Variants in PARD3 observed in about 807,000 individuals in gnomAD.
The protein encoded by PARD3 is par-3 family cell polarity regulator.
A neutral mutation model predicts 155.4 loss-of-function variants in PARD3; 75 were observed. That is an observed-to-expected ratio of 0.48 (90% confidence interval 0.40 to 0.58). The LOEUF (loss-of-function observed/expected upper bound fraction) is 0.58, where lower values mean the gene tolerates loss of function less well. Ranked by LOEUF, PARD3 falls within the 20% of genes least tolerant of loss-of-function variation. PARD3 has a pLI of 0.00. For synonymous variants in PARD3, 576 were observed against 610.5 expected (o/e 0.94, Z 0.83); for missense variants, 1,642 against 1,721.7 (o/e 0.95, Z 0.82).
chr10:34,356,303 G>A (rs1838869942), intron 14 of PARD3, among the ~76,000 whole-genome samples: 1 of 152,164 alleles, frequency 6.6e-6, no homozygotes, highest in South Asian at 2.1e-4. Flanking sequence ...TGAAATCTCA[G>A]CACTTTGGCA....
chr10:34,484,058 C>T (rs1005088389), intron 3 of PARD3, among the ~76,000 whole-genome samples: 2 of 152,118 alleles, frequency 1.3e-5, no homozygotes, highest in Non-Finnish European at 2.9e-5. Context: ...TATGCTTGGG[C>T]GCCATTTTAA....
intron 21 of PARD3, among the ~76,000 whole-genome samples, chr10:34,274,785 G>C (rs187358242): frequency 1.3e-5 from 2 of 152,264 alleles, no homozygotes; most frequent in Admixed American, 1.3e-4. Context: ...TTCACTAAAA[G>C]TGAAAAATCC....
intron 2 of PARD3, among the ~76,000 whole-genome samples, chr10:34,556,262 T>A (rs1452332127): frequency 6.6e-6 from 1 of 152,172 alleles, no homozygotes; most frequent in Non-Finnish European, 1.5e-5. Context: ...AAAGCTAAAT[T>A]AATCTGGCTT....
intron 2 of PARD3, among the ~76,000 whole-genome samples, chr10:34,689,461 T>C (rs183570559): frequency 1.3e-4 from 20 of 152,360 alleles, no homozygotes; most frequent in Admixed American, 1.2e-3. Context: ...AAATCAATTA[T>C]GCATATATTT....
At chr10:34,719,219 T>C (rs970498593) in intron 1 of PARD3, among the ~76,000 whole-genome samples, 6 of 152,196 alleles carry the variant, frequency 3.9e-5, no homozygotes, top group African/African-American at 1.4e-4. Flanking sequence ...TCATCATTAA[T>C]TGTGACGTTT....
chr10:34,767,269 G>A (rs540539100), intron 1 of PARD3, among the ~76,000 whole-genome samples: 3 of 152,270 alleles, frequency 2.0e-5, no homozygotes, highest in East Asian at 1.9e-4. Flanking sequence ...TAAGAAACAC[G>A]CTGAAGAAAA....
rs937102853 is a variant in PARD3, at chr10:34,212,012, A to C, written c.3419+57645T>G. ...AGATGTTACTTCTTTGGAATCTCAGAGTGCTCAACTTTTTTTTTTTTTTTT... is the reference window on the plus strand; with the variant it reads ...AGATGTTACTTCTTTGGAATCTCAGCGTGCTCAACTTTTTTTTTTTTTTTT... On this transcript the variant is annotated intron_variant, in intron 22 of 24. Transcript: ENST00000374788. Among the ~76,000 whole-genome samples, 3 of 130,726 alleles carry C rather than the reference A, an allele frequency of 2.3e-5. No individual in the cohort carries two copies. In the East Asian group the frequency reaches 7.6e-4, roughly 33 times the overall value. The allele number at this position is 130,726 out of a possible 152,430, so 85.8% of individuals were successfully genotyped here. A position where few individuals can be genotyped will look rare whatever the true frequency, so the allele number is the denominator to read the frequency against.
Position 34,760,427 on chromosome 10 carries a change from GT to G in PARD3, c.120+54448del, listed in dbSNP as rs375214376. Among the ~76,000 whole-genome samples, 607 of 152,268 alleles carry G rather than the reference GT, an allele frequency of 4.0e-3. 3 individuals carry two copies. The highest frequency in any genetic ancestry group is 0.013 in the African/African-American group (561 of 41,566). ...GCTCACTGTAACCTCCACCTCCTGGGTTCAAGTGATTCTTGTGCCTCAGCTT... is the reference window on the plus strand; with the variant it reads ...GCTCACTGTAACCTCCACCTCCTGGGTCAAGTGATTCTTGTGCCTCAGCTT... On this transcript the variant is annotated intron_variant, in intron 1 of 24. Coordinates refer to ENST00000374788, the MANE Select transcript of PARD3 (RefSeq NM_001184785.2).
intron 2 of PARD3, among the ~76,000 whole-genome samples, chr10:34,602,798 T>C (rs183122613): frequency 1.1e-4 from 16 of 152,344 alleles, no homozygotes; most frequent in African/African-American, 3.1e-4. Context: ...GAAAGTTACA[T>C]AGGTTCATAG....
chr10:34,402,475 C>T (rs539040955), intron 5 of PARD3, among the ~76,000 whole-genome samples: 42 of 152,180 alleles, frequency 2.8e-4, no homozygotes, highest in African/African-American at 8.4e-4. Context: ...GGCTTCATCC[C>T]GTAAAATTTC....
At chr10:34,410,856 A>G (rs1379242445) in intron 5 of PARD3, among the ~76,000 whole-genome samples, 1 of 152,210 alleles carries the variant, frequency 6.6e-6, no homozygotes, top group African/African-American at 2.4e-5. Context: ...CCATTATAAA[A>G]GATTCATCAG....
chr10:34,622,843 T>TTTTTTTG (rs1211637147), intron 2 of PARD3, among the ~76,000 whole-genome samples: 1 of 151,062 alleles, frequency 6.6e-6, no homozygotes, highest in African/African-American at 2.4e-5. Flanking sequence ...TTTTTTTTTT[T>TTTTTTTG]TTAGTACACA....
At chr10:34,633,872 T>C (rs1173140523) in intron 2 of PARD3, among the ~76,000 whole-genome samples, 1 of 152,220 alleles carries the variant, frequency 6.6e-6, no homozygotes, top group Non-Finnish European at 1.5e-5. Flanking sequence ...TAACAGCTAT[T>C]CTAACAAGAG....
chr10:34,454,197 A>T (rs548601355), intron 4 of PARD3, among the ~76,000 whole-genome samples: 1 of 152,248 alleles, frequency 6.6e-6, no homozygotes, highest in East Asian at 1.9e-4. Context: ...CCCAGTCCTG[A>T]AGTCTGGCCA....
At chr10:34,637,489 C>T (rs1310668097) in intron 2 of PARD3, among the ~76,000 whole-genome samples, 1 of 152,188 alleles carries the variant, frequency 6.6e-6, no homozygotes, top group Non-Finnish European at 1.5e-5. Context: ...AGAGACCAGT[C>T]GCAGAGGCTC....
Position 34,391,712 on chromosome 10 carries a change from C to T in PARD3, c.891-7458G>A, listed in dbSNP as rs1423314110. 3.3e-5 allele frequency among the ~76,000 whole-genome samples: 5 copies of T among 152,260 alleles called. No homozygotes were observed. In the South Asian group the frequency reaches 1.0e-3, roughly 32 times the overall value. On this transcript the variant is annotated intron_variant, in intron 7 of 24. Coordinates refer to ENST00000374788, the MANE Select transcript of PARD3 (RefSeq NM_001184785.2). ...TGATTTTCTGAATATAGATTAATTA[C>T]AAAATACAATCTGCATATAGATTAT...
chr10:34,630,443 CTTTTTTT>C (rs755155387), intron 2 of PARD3, among the ~76,000 whole-genome samples: 3 of 139,308 alleles, frequency 2.2e-5, no homozygotes, highest in South Asian at 2.3e-4. Flanking sequence ...CCCTCTCTCT[CTTTTTTT>C]TTTTTTTTTT....
intron 2 of PARD3, among the ~76,000 whole-genome samples, chr10:34,608,678 G>A (rs867276028): frequency 9.2e-5 from 14 of 151,770 alleles, no homozygotes; most frequent in Admixed American, 6.6e-4. Context: ...GGGATTACAG[G>A]TGCCTGCCAC....
At chr10:34,700,451 T>C (rs1007617713) in intron 1 of PARD3, among the ~76,000 whole-genome samples, 1 of 152,228 alleles carries the variant, frequency 6.6e-6, no homozygotes, top group Non-Finnish European at 1.5e-5. Flanking sequence ...GCTCCGCATA[T>C]TACCCACATG....
Sources: gnomAD v4.1 joint callset for allele counts (sites outside exome capture counted in the v4.1 genomes callset) on GRCh38, gnomAD v4.1.1 for gene constraint, MANE v1.5 for transcripts, NCBI Gene and HGNC (gene_info 2026-07-23, HGNC 2026-07-21) for gene names.